Variants in TPM3 observed in about 807,000 individuals in gnomAD.
TPM3 encodes the protein tropomyosin alpha-3 chain.
Under a neutral mutation model 43.1 loss-of-function variants are expected in TPM3, and 16 were observed. That is an observed-to-expected ratio of 0.37 (90% CI 0.25 to 0.56). The LOEUF is 0.56. TPM3 is among the 20% of genes least tolerant of loss of function. The pLI is 0.77. For missense variants in TPM3, 176 were observed against 337.2 expected (o/e 0.52, Z 3.74); for synonymous variants, 101 against 116.9 (o/e 0.86, Z 0.88).
chr1:154,174,384 A>G lies in TPM3; in HGVS notation c.378-1183T>C, dbSNP rs1363121244. On this transcript the variant is annotated intron_variant, in intron 3 of 9. Coordinates refer to ENST00000651641, the MANE Select transcript of TPM3 (RefSeq NM_152263.4). ...AATATATGTGTATATATATATATAT[A>G]TATATATATATATATATATATATAC... is the stretch of plus-strand genomic sequence containing the variant. Among the ~76,000 whole-genome samples, 221 of 93,500 alleles carry G rather than the reference A, an allele frequency of 2.4e-3. 15 individuals carry two copies. The highest frequency in any genetic ancestry group is 4.1e-3 in the Admixed American group (38 of 9,308). 61.3% of individuals were successfully genotyped at this position (93,500 alleles called of 152,430 possible).
chr1:154,191,634 C>A, intron 1 of TPM3: 1 of 1,416,026 alleles, frequency 7.1e-7, no homozygotes, highest in South Asian at 1.5e-5. Flanking sequence ...CTTACCTTTT[C>A]CTCTAGAAGT....
Position 154,169,898 on chromosome 1 carries a change from G to A in TPM3, c.775+502C>T, listed in dbSNP as rs753843151. On this transcript the variant is annotated intron_variant, in intron 8 of 9. Coordinates refer to ENST00000651641, the MANE Select transcript of TPM3 (RefSeq NM_152263.4). ...AAAGAGTACGTTCCCTTGTCAGGGTGGATGGCAGTTACCAACTTGCAGGGA... is the reference window on the plus strand; with the variant it reads ...AAAGAGTACGTTCCCTTGTCAGGGTAGATGGCAGTTACCAACTTGCAGGGA... 8.3e-6 allele frequency: 2 copies of A among 240,962 alleles called. 1 individual carries two copies. The highest frequency in any genetic ancestry group is 1.6e-5 in the Non-Finnish European group (2 of 122,296). 14.9% of individuals were successfully genotyped at this position (240,962 alleles called of 1,614,324 possible).
Position 154,167,817 on chromosome 1 carries a change from C to A in TPM3, c.*120G>T. The A allele has an allele frequency of 2.5e-6, 4 of 1,596,156 alleles. No homozygotes were observed. Among genetic ancestry groups the A allele is most frequent in the South Asian group, 1.1e-5 (1 of 89,374 alleles). On this transcript the variant is annotated 3_prime_UTR_variant, in exon 10 of 10. Transcript: ENST00000651641. ...ATACATAAGTTGCTTTTTGCTCCCC[C>A]ATCCTAATGCCTTGGGGACCAGCCA...
At chr1:154,170,326 A>T (rs1172328714) in intron 8 of TPM3, 74 bp downstream of exon 8, 6 of 1,531,950 alleles carry the variant, frequency 3.9e-6, no homozygotes, top group Non-Finnish European at 5.4e-6. Flanking sequence ...TGGTGTACAG[A>T]AAAAGAGATT....
intron 3 of TPM3, 119 bp from the exon 4 acceptor site, chr1:154,173,320 G>A (rs1454604267): frequency 5.9e-6 from 5 of 845,580 alleles, no homozygotes; most frequent in Non-Finnish European, 9.9e-6. Flanking sequence ...CCCCTCAAAT[G>A]GAAATTCCAT....
Position 154,188,869 on chromosome 1 carries a change from A to T in TPM3, c.243+2317T>A, listed in dbSNP as rs748948387. 8.2e-4 allele frequency among the ~76,000 whole-genome samples: 122 copies of T among 149,282 alleles called. 4 individuals are homozygous for T. Among genetic ancestry groups the T allele is most frequent in the African/African-American group, 2.9e-3 (113 of 38,800 alleles). On this transcript the variant is annotated intron_variant, in intron 2 of 9. Coordinates refer to ENST00000651641, the MANE Select transcript of TPM3 (RefSeq NM_152263.4). ...GCAGAGGCCAGGCATGGTGGCTCAC[A>T]TCTGTAATCCCAGCATTTTGAGAGG...
rs1661413424 is a variant in TPM3, at chr1:154,170,190, A to G, written c.775+210T>C. Reference sequence around the variant, plus strand: ...GGGTACAAATTGCAGACTATTTGGTAAAGTCTTCTTAAAGGAAAAGATTAA... The same window carrying G: ...GGGTACAAATTGCAGACTATTTGGTGAAGTCTTCTTAAAGGAAAAGATTAA... On this transcript the variant is annotated intron_variant, in intron 8 of 9. Transcript: ENST00000651641. The G allele has an allele frequency of 6.8e-6, 4 of 585,336 alleles. No homozygotes were observed. The South Asian group carries it at 7.9e-5, about 12-fold the overall frequency. The allele number at this position is 585,336 out of a possible 1,614,324, so 36.3% of individuals were successfully genotyped here.
chr1:154,159,028 C>T (rs1330049802), downstream of TPM3: 4 of 780,488 alleles, frequency 5.1e-6, no homozygotes, highest in Non-Finnish European at 9.6e-6. Flanking sequence ...CGGTTTCGCT[C>T]AAGTTGGCTG....
chr1:154,178,102 A>G, intron 2 of TPM3: 1 of 983,246 alleles, frequency 1.0e-6, no homozygotes, highest in Non-Finnish European at 1.2e-6. Flanking sequence ...CACTGCTAGT[A>G]AAATGACTTA....
chr1:154,178,927 C>T (rs889748790), intron 2 of TPM3, among the ~76,000 whole-genome samples: 33 of 152,284 alleles, frequency 2.2e-4, no homozygotes, highest in African/African-American at 7.5e-4. Context: ...AGATGGCTGA[C>T]AACACCTTCG....
At position 154,192,056 on chromosome 1, in the gene TPM3, G is replaced by T; in HGVS notation, c.-38C>A. The T allele has an allele frequency of 1.3e-6, 2 of 1,567,726 alleles. No individual in the cohort carries two copies. The highest frequency in any genetic ancestry group is 1.1e-5 in the South Asian group (1 of 90,176). On this transcript the variant is annotated 5_prime_UTR_variant, in exon 1 of 10. Transcript: ENST00000651641. The stretch of plus-strand genomic sequence containing the variant: ...TTGGTAGGCTCACCTGTGAACACTG[G>T]AGAACTGGAGACTGGGGCAAGAAAG...
intron 2 of TPM3, among the ~76,000 whole-genome samples, chr1:154,178,489 G>A (rs150050631): frequency 6.6e-6 from 1 of 152,272 alleles, no homozygotes; most frequent in African/African-American, 2.4e-5. Flanking sequence ...CTAGCACAGA[G>A]GATCAGTTCT....
At chr1:154,160,254 T>C (rs1660213031), downstream of TPM3, among the ~76,000 whole-genome samples, 2 of 152,208 alleles carry the variant, frequency 1.3e-5, no homozygotes, top group Non-Finnish European at 2.9e-5. Flanking sequence ...TTTCTCCCTA[T>C]ATTTTACAGC....
intron 6 of TPM3, 137 bp from the exon 7 acceptor site, chr1:154,170,848 G>T: frequency 1.4e-6 from 1 of 706,176 alleles, no homozygotes; most frequent in Non-Finnish European, 2.5e-6. Context: ...AGCAAGGCCT[G>T]GCTCTGGACA....
chr1:154,161,639 C>T (rs1660386464), downstream of TPM3, among the ~76,000 whole-genome samples: 1 of 151,560 alleles, frequency 6.6e-6, no homozygotes, highest in Non-Finnish European at 1.5e-5. Context: ...GATGGGGTTT[C>T]ACCATATTGG....
At chr1:154,174,521 A>C (rs1662072416) in intron 3 of TPM3, among the ~76,000 whole-genome samples, 1 of 141,820 alleles carries the variant, frequency 7.1e-6, no homozygotes, top group Non-Finnish European at 1.5e-5. Context: ...AGCTATCCTC[A>C]CTTTCTTTCT....
At position 154,163,848 on chromosome 1, in the gene TPM3, T is replaced by C. The variant is rs1660658058; in HGVS notation, c.*4089A>G. Among the ~76,000 whole-genome samples, 1 of 152,170 alleles carries C rather than the reference T, an allele frequency of 6.6e-6. No individual in the cohort carries two copies. The highest frequency in any genetic ancestry group is 1.5e-5 in the Non-Finnish European group (1 of 68,036). ...CGGGGTTTCAACGTGTCAGCCAGGA[T>C]GGTCTTGATCTCCTGACCTCGTGAT... On this transcript the variant is annotated 3_prime_UTR_variant, in exon 10 of 10. Coordinates refer to ENST00000651641, the MANE Select transcript of TPM3 (RefSeq NM_152263.4).
intron 2 of TPM3, among the ~76,000 whole-genome samples, chr1:154,176,652 GGA>G (rs1558052941): frequency 2.5e-5 from 3 of 119,430 alleles, no homozygotes; most frequent in Non-Finnish European, 3.5e-5. Flanking sequence ...TCATAAAGCA[GGA>G]AAAAAAAAAA....
chr1:154,185,911 T>C (rs4845605), intron 2 of TPM3, among the ~76,000 whole-genome samples: 95,327 of 150,804 alleles, frequency 0.63, 31,492 homozygotes, highest in East Asian at 0.88. Flanking sequence ...AAAATTAGGA[T>C]GTGGAACAGG....
Sources: allele counts gnomAD v4.1 joint callset (sites outside exome capture counted in the v4.1 genomes callset), GRCh38; gene constraint gnomAD v4.1.1; transcripts MANE v1.5; gene names NCBI Gene and HGNC (gene_info 2026-07-23, HGNC 2026-07-21).